Variants in CTXND1 observed in about 807,000 individuals in gnomAD.
CTXND1 encodes cortexin domain-containing 1 protein.
intron 1 of CTXND1, among the ~76,000 whole-genome samples, chr15:80,216,588 C>G (rs972083273): frequency 2.0e-5 from 3 of 149,392 alleles, no homozygotes; most frequent in African/African-American, 7.4e-5. Flanking sequence ...GGAGATCATC[C>G]AGTCCCTTCC....
rs1198502440 is a variant in CTXND1, at chr15:80,223,586, G to C, written c.-217-19846C>G. Among the ~76,000 whole-genome samples the C allele has an allele frequency of 2.0e-5, 3 of 152,180 alleles. No homozygotes were observed. In the East Asian group the frequency reaches 5.8e-4, roughly 29 times the overall value. ...ATTTCTATTAGTTGTATATCTAGAA[G>C]GTTGCTGGACTGTATAGGTGTATGT... On this transcript the variant is annotated intron_variant, in intron 1 of 2. Transcript: ENST00000560778.
intron 1 of CTXND1, among the ~76,000 whole-genome samples, chr15:80,234,141 C>G (rs760109741): frequency 3.9e-5 from 6 of 152,160 alleles, no homozygotes; most frequent in African/African-American, 1.4e-4. Flanking sequence ...GAGCATCATG[C>G]GGAAATAAGA....
At chr15:80,204,078 A>G (rs28625641) in intron 1 of CTXND1, among the ~76,000 whole-genome samples, 2 of 141,558 alleles carry the variant, frequency 1.4e-5, no homozygotes, top group Admixed American at 1.5e-4. Flanking sequence ...CAAGAGAGTC[A>G]CTTGAACCCA....
intron 1 of CTXND1, among the ~76,000 whole-genome samples, chr15:80,242,344 C>T (rs1308314831): frequency 1.3e-5 from 2 of 152,216 alleles, no homozygotes; most frequent in Non-Finnish European, 2.9e-5. Flanking sequence ...TCCTGTGAGC[C>T]CGGGCAAGAA....
chr15:80,212,108 G>A (rs1893209473), intron 1 of CTXND1, among the ~76,000 whole-genome samples: 2 of 152,146 alleles, frequency 1.3e-5, no homozygotes, highest in Admixed American at 1.3e-4. Flanking sequence ...TCCTGAGGGA[G>A]GAAAAACTCT....
intron 1 of CTXND1, among the ~76,000 whole-genome samples, chr15:80,233,038 G>T (rs1212500655): frequency 6.6e-6 from 1 of 150,624 alleles, no homozygotes; most frequent in Non-Finnish European, 1.5e-5. Context: ...CGCCTCCCAG[G>T]TTCAAGCAAT....
At chr15:80,204,169 A>AAAAAATAT (rs1555443860) in intron 1 of CTXND1, among the ~76,000 whole-genome samples, 2 of 65,192 alleles carry the variant, frequency 3.1e-5, no homozygotes, top group Admixed American at 2.7e-4. Flanking sequence ...AAAAAAAAAA[A>AAAAAATAT]ATATATATAT....
At chr15:80,239,740 A>C (rs559739700) in intron 1 of CTXND1, among the ~76,000 whole-genome samples, 2 of 152,218 alleles carry the variant, frequency 1.3e-5, no homozygotes, top group South Asian at 4.1e-4. Flanking sequence ...AACTCGCTAC[A>C]GCTCCCCATT....
At chr15:80,246,734 G>A (rs1263600471) in intron 1 of CTXND1, among the ~76,000 whole-genome samples, 5 of 152,170 alleles carry the variant, frequency 3.3e-5, no homozygotes, top group Admixed American at 1.3e-4. Flanking sequence ...AATGTTTATC[G>A]TGCCTAATAA....
At position 80,195,754 on chromosome 15, in the gene CTXND1, C is replaced by T. The variant is rs975383531; in HGVS notation, c.*6016G>A. ...CACTGTTGCAATGGGAATCAAGTTT[C>T]CAACATATGAACTTTGGGGGACACA... On this transcript the variant is annotated 3_prime_UTR_variant, in exon 3 of 3. Coordinates refer to ENST00000560778, the MANE Select transcript of CTXND1 (RefSeq NM_001352888.2). 1.3e-5 allele frequency: 2 copies of T among 152,200 alleles called. No homozygotes were observed. 9.4% of individuals were successfully genotyped at this position (152,200 alleles called of 1,614,324 possible). A position where few individuals can be genotyped will look rare whatever the true frequency, so the allele number is the denominator to read the frequency against.
chr15:80,202,873 C>T (rs1253965208), intron 2 of CTXND1, among the ~76,000 whole-genome samples: 1 of 152,234 alleles, frequency 6.6e-6, no homozygotes, highest in East Asian at 1.9e-4. Flanking sequence ...TCTGCCACCA[C>T]CCTGCAGGGC....
chr15:80,202,210 A>C (rs1353137675), intron 2 of CTXND1, among the ~76,000 whole-genome samples, 196 bp from the exon 3 acceptor site: 1 of 16,784 alleles, frequency 6.0e-5, no homozygotes, highest in African/African-American at 4.7e-4. Flanking sequence ...CTTGTAGGTA[A>C]ACCAGAGTCT....
chr15:80,215,964 C>A (rs748675048), intron 1 of CTXND1, among the ~76,000 whole-genome samples: 29 of 152,130 alleles, frequency 1.9e-4, no homozygotes, highest in Non-Finnish European at 3.8e-4. Flanking sequence ...TACAAATGTG[C>A]GGCCTCTCCC....
At position 80,240,834 on chromosome 15, in the gene CTXND1, G is replaced by A. The variant is rs116903616; in HGVS notation, c.-218+11173C>T. Among the ~76,000 whole-genome samples, 108 of 152,286 alleles carry A rather than the reference G, an allele frequency of 7.1e-4. 3 individuals carry two copies. The East Asian group carries it at 0.021, about 29-fold the overall frequency. Reference sequence around the variant, plus strand: ...GATGTTATTTCCTTATAACCAGGCAGCCATATGAATCTCAGTCAAAGCATC... The same window carrying A: ...GATGTTATTTCCTTATAACCAGGCAACCATATGAATCTCAGTCAAAGCATC... On this transcript the variant is annotated intron_variant, in intron 1 of 2. Coordinates refer to ENST00000560778, the MANE Select transcript of CTXND1 (RefSeq NM_001352888.2).
intron 1 of CTXND1, among the ~76,000 whole-genome samples, chr15:80,249,553 T>G (rs776742734): frequency 1.4e-4 from 22 of 152,232 alleles, no homozygotes; most frequent in Non-Finnish European, 2.6e-4. Context: ...GCTTAATAAA[T>G]GGAACTGACT....
chr15:80,225,615 G>A (rs921031005), intron 1 of CTXND1, among the ~76,000 whole-genome samples: 40 of 151,904 alleles, frequency 2.6e-4, no homozygotes, highest in African/African-American at 8.7e-4. Flanking sequence ...TTCATTTTCA[G>A]CCATGTTTCA....
At chr15:80,217,221 TA>T (rs886361311) in intron 1 of CTXND1, among the ~76,000 whole-genome samples, 85 of 151,764 alleles carry the variant, frequency 5.6e-4, no homozygotes, top group African/African-American at 1.7e-3. Context: ...CTTGGGGAGT[TA>T]AAAAAAATGT....
At chr15:80,207,295 T>G (rs561260754) in intron 1 of CTXND1, among the ~76,000 whole-genome samples, 6 of 152,194 alleles carry the variant, frequency 3.9e-5, no homozygotes, top group African/African-American at 1.4e-4. Context: ...TTTCCTGTTT[T>G]TTTTTTCTTT....
chr15:80,212,815 T>C (rs1036811421), intron 1 of CTXND1, among the ~76,000 whole-genome samples: 1 of 152,116 alleles, frequency 6.6e-6, no homozygotes, highest in Non-Finnish European at 1.5e-5. Context: ...CTCCCAAAAT[T>C]CTACAGGCAG....
Sources: gnomAD v4.1 joint callset for allele counts (sites outside exome capture counted in the v4.1 genomes callset) on GRCh38, gnomAD v4.1.1 for gene constraint, MANE v1.5 for transcripts, NCBI Gene and HGNC (gene_info 2026-07-23, HGNC 2026-07-21) for gene names.